Variants in WDFY3 observed in about 807,000 individuals in gnomAD.
The protein encoded by WDFY3 is WD repeat and FYVE domain-containing protein 3.
A neutral mutation model predicts 409.6 loss-of-function variants in WDFY3; 66 were observed. That is an observed-to-expected ratio of 0.16 (90% CI 0.13 to 0.20). The LOEUF (loss-of-function observed/expected upper bound fraction) is 0.20. Ranked by LOEUF, WDFY3 falls within the 10% of genes least tolerant of loss-of-function variation. The probability of loss-of-function intolerance (pLI) is 1.00; values close to 1 mark genes in which losing one functional copy is unlikely to be tolerated. For synonymous variants in WDFY3, 1,521 were observed against 1,537.1 expected (o/e 0.99, Z 0.25); for missense variants, 3,031 against 4,298.1 (o/e 0.71, Z 8.24).
Position 84,740,196 on chromosome 4 carries a change from T to C in WDFY3, c.6455A>G (p.His2152Arg), listed in dbSNP as rs377282659. 4.3e-6 allele frequency: 7 copies of C among 1,614,050 alleles called. No individual in the cohort carries two copies. Among genetic ancestry groups the C allele is most frequent in the Middle Eastern group, 1.7e-4 (1 of 6,060 alleles). ...AACCTAAAGGATTTACCTTCCAACA[T>C]GTAGATTTATCAAGCAGTGGGCCAG... is the stretch of plus-strand genomic sequence containing the variant. The part of the protein sequence containing the change: ...SCLAHCLINL[H>R]VGSNVDGFGL... The change falls in exon 39 of 68, where the codon CAT becomes CGT. Residue 2152 changes from histidine to arginine, a missense_variant. By Grantham distance (29) the His-to-Arg change is conservative (BLOSUM62 0). Around this residue, in one of 16 missense-constraint regions of WDFY3, gnomAD observed 314 missense variants for 397.4 expected, o/e 0.79. Transcript: ENST00000295888.
chr4:84,766,367 C>T lies in WDFY3; in HGVS notation c.4855G>A (p.Glu1619Lys). Residue 1619 changes from glutamate (E) to lysine (K), a missense_variant, in exon 31 of 68, where the codon GAA becomes AAA. Physicochemically the swap from Glu to Lys is moderately conservative, Grantham distance 56 (BLOSUM62 1). Around this residue, in one of 16 missense-constraint regions of WDFY3, gnomAD observed 342 missense variants for 463.7 expected, o/e 0.74. Transcript: ENST00000295888. ...GATACAAGACCTCCAAACTCCTCTT[C>T]AGTTCCTAAAATAAAAATAAATACA... ...NNEEKLDTGT[E>K]EEFGGLVSAN... 1 of 1,584,956 alleles carries T rather than the reference C, an allele frequency of 6.3e-7. No individual in the cohort carries two copies. The highest frequency in any genetic ancestry group is 8.5e-7 in the Non-Finnish European group (1 of 1,172,094).
intron 1 of WDFY3, among the ~76,000 whole-genome samples, chr4:84,955,740 G>T (rs1252049513): frequency 6.6e-6 from 1 of 152,072 alleles, no homozygotes; most frequent in Non-Finnish European, 1.5e-5. Flanking sequence ...AAGTGTTGGA[G>T]AAATTAAAAC....
At chr4:84,711,553 T>A (rs1163266751) in intron 51 of WDFY3, among the ~76,000 whole-genome samples, 1 of 151,986 alleles carries the variant, frequency 6.6e-6, no homozygotes, top group Non-Finnish European at 1.5e-5. Context: ...ATCAATAAAA[T>A]AAAAAAATTA....
At chr4:84,934,784 T>A (rs976893025) in intron 1 of WDFY3, among the ~76,000 whole-genome samples, 1 of 152,090 alleles carries the variant, frequency 6.6e-6, no homozygotes, top group Non-Finnish European at 1.5e-5. Flanking sequence ...TTCTACTAAT[T>A]TGTTCCTCCT....
intron 5 of WDFY3, among the ~76,000 whole-genome samples, chr4:84,847,097 G>A (rs2150078730): frequency 6.6e-6 from 1 of 152,190 alleles, no homozygotes; most frequent in Middle Eastern, 3.4e-3. Flanking sequence ...ACATACAAAG[G>A]TAAAATAAAA....
At chr4:84,717,795 T>A (rs1399284175) in intron 48 of WDFY3, among the ~76,000 whole-genome samples, 1 of 152,144 alleles carries the variant, frequency 6.6e-6, no homozygotes. Context: ...ACGCCTGTAA[T>A]CCCAACACTT....
chr4:84,872,116 T>C (rs1762207251), intron 3 of WDFY3, among the ~76,000 whole-genome samples: 1 of 152,072 alleles, frequency 6.6e-6, no homozygotes. Flanking sequence ...CAAAGTGTCA[T>C]ATGAAGGCAG....
chr4:84,810,842 TTA>T (rs1752368754), intron 13 of WDFY3, among the ~76,000 whole-genome samples: 1 of 152,210 alleles, frequency 6.6e-6, no homozygotes, highest in Non-Finnish European at 1.5e-5. Flanking sequence ...TTTAGAAGAC[TTA>T]TTAAACATTC....
At position 84,796,780 on chromosome 4, in the gene WDFY3, AATGTCAT is replaced by A. The variant is rs781492544; in HGVS notation, c.2936-35_2936-29del. On this transcript the variant is annotated intron_variant, in intron 18 of 67. Transcript: ENST00000295888. ...GTAAGTCAAGGAAATCTCTTGGGAA[AATGTCAT>A]ATGGAATTTCAAAATAACTTTACAA... 1.3e-4 allele frequency: 196 copies of A among 1,562,728 alleles called. No homozygotes were observed. The African/African-American group carries it at 2.5e-3, about 20-fold the overall frequency.
intron 43 of WDFY3, among the ~76,000 whole-genome samples, chr4:84,734,308 T>C (rs1308047514): frequency 6.6e-6 from 1 of 152,196 alleles, no homozygotes; most frequent in African/African-American, 2.4e-5. Context: ...TCATGGAATA[T>C]AAGTATATAC....
intron 3 of WDFY3, among the ~76,000 whole-genome samples, chr4:84,888,232 C>G (rs970153146): frequency 2.6e-5 from 4 of 152,074 alleles, no homozygotes; most frequent in Non-Finnish European, 5.9e-5. Flanking sequence ...TTTTCAAAGG[C>G]AAATACGAAT....
At chr4:84,826,763 C>A in intron 10 of WDFY3, 52 bp downstream of exon 10, 2 of 1,497,994 alleles carry the variant, frequency 1.3e-6, no homozygotes, top group East Asian at 2.5e-5. Flanking sequence ...AAGACAAATT[C>A]ATTCTTTCTC....
chr4:84,943,731 C>A (rs1772442314), intron 1 of WDFY3, among the ~76,000 whole-genome samples: 1 of 152,080 alleles, frequency 6.6e-6, no homozygotes, highest in Non-Finnish European at 1.5e-5. Context: ...AAAAAAACTG[C>A]TCTTTAAAGG....
At chr4:84,870,642 T>A (rs1465393236) in intron 3 of WDFY3, among the ~76,000 whole-genome samples, 3 of 152,074 alleles carry the variant, frequency 2.0e-5, no homozygotes, top group African/African-American at 7.2e-5. Flanking sequence ...CACTGCAGGA[T>A]GAAAGATTTT....
chr4:84,827,031 T>A (rs1199691371), intron 9 of WDFY3, 50 bp from the exon 10 acceptor site: 1 of 1,569,392 alleles, frequency 6.4e-7, no homozygotes, highest in Non-Finnish European at 8.6e-7. Flanking sequence ...GGTTGTGTTC[T>A]CAGATTTAAC....
At chr4:84,964,416 C>A (rs1441576024) in intron 1 of WDFY3, among the ~76,000 whole-genome samples, 1 of 152,208 alleles carries the variant, frequency 6.6e-6, no homozygotes, top group Non-Finnish European at 1.5e-5. Flanking sequence ...CTGCAGTGAA[C>A]CGTGATCGTG....
At chr4:84,896,781 G>C (rs939703294) in intron 3 of WDFY3, 130 bp downstream of exon 3, 3 of 151,902 alleles carry the variant, frequency 2.0e-5, no homozygotes. Flanking sequence ...ATTTATAATG[G>C]TAGCTCTATA....
At chr4:84,922,188 TAAC>T in intron 2 of WDFY3, among the ~76,000 whole-genome samples, 2 of 152,206 alleles carry the variant, frequency 1.3e-5, no homozygotes, top group South Asian at 4.1e-4. Flanking sequence ...AGTTGCACAA[TAAC>T]AACAACTAGA....
At chr4:84,761,278 T>C (rs1742546292) in intron 32 of WDFY3, among the ~76,000 whole-genome samples, 3 of 152,190 alleles carry the variant, frequency 2.0e-5, no homozygotes, top group Non-Finnish European at 4.4e-5. Flanking sequence ...AAAATGTATA[T>C]TCTGTTGATT....
Sources: gnomAD v4.1 joint callset for allele counts (sites outside exome capture counted in the v4.1 genomes callset) on GRCh38, gnomAD v4.1.1 for gene constraint, gnomAD v4.1.1 regional missense constraint, MANE v1.5 for transcripts, NCBI Gene and HGNC (gene_info 2026-07-23, HGNC 2026-07-21) for gene names.